Variants in CSMD1 observed in about 807,000 individuals in gnomAD.
The protein encoded by CSMD1 is CUB and sushi domain-containing protein 1.
Under a neutral mutation model 417.5 loss-of-function variants are expected in CSMD1, and 213 were observed. That is an observed-to-expected ratio of 0.51 (90% CI 0.46 to 0.57). CSMD1 has a LOEUF of 0.57. Ranked by LOEUF, CSMD1 falls within the 20% of genes least tolerant of loss-of-function variation. The pLI is 0.00. For synonymous variants in CSMD1, 2,862 were observed against 1,736.8 expected, an observed-to-expected ratio of 1.65 and a Z score of -16.11; for missense variants, 6,923 against 4,529.7, an observed-to-expected ratio of 1.53 and a Z score of -15.17.
intron 5 of CSMD1, among the ~76,000 whole-genome samples, chr8:3,820,413 G>C (rs1250036111): frequency 6.6e-6 from 1 of 152,148 alleles, no homozygotes; most frequent in Non-Finnish European, 1.5e-5. Flanking sequence ...ATATACATTA[G>C]CTTAGGCCTA....
chr8:3,963,519 C>T (rs2130002399), intron 5 of CSMD1, among the ~76,000 whole-genome samples: 1 of 152,074 alleles, frequency 6.6e-6, no homozygotes, highest in African/African-American at 2.4e-5. Context: ...TTTTAAAATT[C>T]AGAAAATTTT....
Position 2,999,952 on chromosome 8 carries a change from A to G in CSMD1, c.8203+6T>C, listed in dbSNP as rs773846329. ...CGATGAATTCGTCCACAAAGAGTGC[A>G]CTTACGGACACAGACAGGCGTTTGT... On this transcript the variant is annotated splice_donor_region_variant and intron_variant, in intron 53 of 69. Transcript: ENST00000635120. 1.2e-5 allele frequency: 19 copies of G among 1,606,410 alleles called. No homozygotes were observed. Among genetic ancestry groups the G allele is most frequent in the Admixed American group, 1.7e-5 (1 of 58,732 alleles).
At chr8:3,813,207 C>T (rs1472099384) in intron 5 of CSMD1, among the ~76,000 whole-genome samples, 1 of 150,928 alleles carries the variant, frequency 6.6e-6, no homozygotes, top group Non-Finnish European at 1.5e-5. Flanking sequence ...GTCAGGTATC[C>T]TTGCTAATAA....
At chr8:3,573,678 C>T (rs1374897827) in intron 10 of CSMD1, among the ~76,000 whole-genome samples, 1 of 152,162 alleles carries the variant, frequency 6.6e-6, no homozygotes, top group Non-Finnish European at 1.5e-5. Flanking sequence ...GGCAACCCAA[C>T]AGCTTTGAGA....
intron 5 of CSMD1, among the ~76,000 whole-genome samples, chr8:3,833,877 T>C (rs904954250): frequency 2.0e-5 from 3 of 152,158 alleles, no homozygotes; most frequent in African/African-American, 7.2e-5. Flanking sequence ...TGAAGTGTAG[T>C]TGTAAACACC....
At chr8:3,084,386 G>C (rs1814363293) in intron 49 of CSMD1, among the ~76,000 whole-genome samples, 1 of 151,988 alleles carries the variant, frequency 6.6e-6, no homozygotes, top group African/African-American at 2.4e-5. Context: ...AGCCGGCTAT[G>C]GTGGTGGGTG....
At chr8:2,943,602 G>C (rs568262414) in intron 68 of CSMD1, among the ~76,000 whole-genome samples, 69 of 152,318 alleles carry the variant, frequency 4.5e-4, no homozygotes, top group African/African-American at 1.6e-3. Context: ...GATAGAATCA[G>C]CCAGGACTAT....
intron 2 of CSMD1, among the ~76,000 whole-genome samples, chr8:4,633,405 C>T (rs1311510579): frequency 8.6e-5 from 13 of 151,560 alleles, no homozygotes; most frequent in African/African-American, 2.9e-4. Context: ...CACCACCACG[C>T]CCAGCTAATT....
intron 5 of CSMD1, among the ~76,000 whole-genome samples, chr8:3,975,448 T>A (rs73494958): frequency 6.6e-6 from 1 of 152,060 alleles, no homozygotes; most frequent in Non-Finnish European, 1.5e-5. Context: ...AAAATTCAAT[T>A]AGAAAATGCA....
At chr8:4,377,636 A>C (rs1190164063) in intron 3 of CSMD1, among the ~76,000 whole-genome samples, 2 of 152,184 alleles carry the variant, frequency 1.3e-5, no homozygotes, top group African/African-American at 4.8e-5. Flanking sequence ...GGTTCAATGA[A>C]ATCATTTATA....
chr8:3,558,344 G>A (rs368298356), intron 10 of CSMD1, among the ~76,000 whole-genome samples: 37 of 124,928 alleles, frequency 3.0e-4, no homozygotes, highest in Middle Eastern at 4.4e-3. Context: ...GTAGTACCCC[G>A]TGTCCACTCC....
At chr8:3,465,952 A>G (rs923800587) in intron 12 of CSMD1, among the ~76,000 whole-genome samples, 23 of 152,186 alleles carry the variant, frequency 1.5e-4, no homozygotes, top group Non-Finnish European at 7.3e-5. Flanking sequence ...TGGCTCAGCT[A>G]GAAGCTGGAG....
At chr8:4,352,999 CTAAT>C (rs763695948) in intron 3 of CSMD1, among the ~76,000 whole-genome samples, 12 of 152,194 alleles carry the variant, frequency 7.9e-5, no homozygotes, top group African/African-American at 1.7e-4. Context: ...ATTAAAATGA[CTAAT>C]TATTTCCTCT....
chr8:4,450,354 G>A (rs1472041293), intron 2 of CSMD1, among the ~76,000 whole-genome samples: 3 of 152,156 alleles, frequency 2.0e-5, no homozygotes, highest in Non-Finnish European at 2.9e-5. Context: ...GTAGCCGGGT[G>A]TGGTGGCTCA....
intron 2 of CSMD1, among the ~76,000 whole-genome samples, chr8:4,478,888 C>G (rs1049435506): frequency 6.6e-6 from 1 of 152,156 alleles, no homozygotes; most frequent in African/African-American, 2.4e-5. Flanking sequence ...AAAAAGCAGA[C>G]AAATGGAAAT....
chr8:3,714,529 C>G lies in CSMD1; in HGVS notation c.932-6038G>C, dbSNP rs867712419. On this transcript the variant is annotated intron_variant, in intron 6 of 69. Coordinates refer to ENST00000635120, the MANE Select transcript of CSMD1 (RefSeq NM_033225.6). ...ATGAAGTTAGGAGTTCAACAGCAGC[C>G]TGGCCAACATGGCGAAACCCCATCT... Among the ~76,000 whole-genome samples, 7 of 121,744 alleles carry G rather than the reference C, an allele frequency of 5.7e-5. No homozygotes were observed. In the South Asian group the frequency reaches 7.8e-4, roughly 14 times the overall value. 79.9% of individuals were successfully genotyped at this position (121,744 alleles called of 152,430 possible). A position where few individuals can be genotyped will look rare whatever the true frequency, so the allele number is the denominator to read the frequency against.
In CSMD1 at chr8:2,942,901, T is replaced by C. The variant is rs73179577; in HGVS notation, c.10403-297A>G. Among the ~76,000 whole-genome samples the C allele has an allele frequency of 7.6e-3, 1,158 of 152,326 alleles. 6 individuals are homozygous for C. The highest frequency in any genetic ancestry group is 0.025 in the South Asian group (120 of 4,830). On this transcript the variant is annotated intron_variant, in intron 68 of 69. Transcript: ENST00000635120. ...TGACTTTCGTTTATAGTTATAGGTG[T>C]TTTCACAAAACTAACTGAAAACATT...
At chr8:3,939,190 G>A (rs1054815966) in intron 5 of CSMD1, among the ~76,000 whole-genome samples, 4 of 151,910 alleles carry the variant, frequency 2.6e-5, no homozygotes, top group Admixed American at 6.6e-5. Context: ...GACTGTATAA[G>A]AGAACCCAAC....
chr8:4,975,415 G>A (rs1810492293), intron 1 of CSMD1, among the ~76,000 whole-genome samples: 1 of 152,212 alleles, frequency 6.6e-6, no homozygotes. Context: ...CTTATTGAAT[G>A]TGGGCTACTT....
Sources: allele counts gnomAD v4.1 joint callset (sites outside exome capture counted in the v4.1 genomes callset), GRCh38; gene constraint gnomAD v4.1.1; transcripts MANE v1.5; gene names NCBI Gene and HGNC (gene_info 2026-07-23, HGNC 2026-07-21).